PTPRM: variants seen among roughly 807,000 people sequenced by gnomAD.
PTPRM encodes the protein protein tyrosine phosphatase receptor type M, also known as receptor-type tyrosine-protein phosphatase mu.
In PTPRM, 47 loss-of-function variants were observed where a neutral mutation model predicts 186.7. The ratio of observed to expected loss-of-function variants is 0.25; its 90% CI spans 0.20 to 0.32. The LOEUF (loss-of-function observed/expected upper bound fraction) is 0.32. Ranked by LOEUF, PTPRM falls within the 10% of genes least tolerant of loss-of-function variation. The probability of loss-of-function intolerance (pLI) is 1.00; values close to 1 mark genes in which losing one functional copy is unlikely to be tolerated. For synonymous variants in PTPRM, 668 were observed against 674.9 expected (o/e 0.99, Z 0.16); for missense variants, 1,494 against 1,865.0 (o/e 0.80, Z 3.66).
At chr18:8,273,400 T>A (rs2094795778) in intron 19 of PTPRM, among the ~76,000 whole-genome samples, 1 of 152,196 alleles carries the variant, frequency 6.6e-6, no homozygotes, top group Non-Finnish European at 1.5e-5. Context: ...TCATTTTCCC[T>A]CTATGAATTG....
intron 2 of PTPRM, among the ~76,000 whole-genome samples, chr18:7,855,235 G>A (rs956113552): frequency 1.3e-5 from 2 of 152,128 alleles, no homozygotes; most frequent in African/African-American, 4.8e-5. Flanking sequence ...TTAAAGCTGG[G>A]TGTGACTGAG....
At chr18:7,790,865 G>A (rs1379139888) in intron 2 of PTPRM, among the ~76,000 whole-genome samples, 4 of 151,952 alleles carry the variant, frequency 2.6e-5, no homozygotes, top group Admixed American at 6.6e-5. Flanking sequence ...GTAGCTCATG[G>A]GAGTGGTTGC....
intron 5 of PTPRM, among the ~76,000 whole-genome samples, chr18:7,928,729 C>G (rs998683174): frequency 6.6e-6 from 1 of 152,118 alleles, no homozygotes; most frequent in Non-Finnish European, 1.5e-5. Flanking sequence ...TAAGCTCTCG[C>G]CTTAACAGAG....
intron 2 of PTPRM, among the ~76,000 whole-genome samples, chr18:7,800,317 A>C (rs556914096): frequency 6.6e-6 from 1 of 152,324 alleles, no homozygotes; most frequent in South Asian, 2.1e-4. Context: ...GAAATGACTG[A>C]AAATATGTTT....
chr18:8,189,404 A>T (rs1037246675), intron 14 of PTPRM, among the ~76,000 whole-genome samples: 1 of 152,096 alleles, frequency 6.6e-6, no homozygotes. Context: ...GGGGAAGGGC[A>T]TACTGATGTC....
At chr18:8,393,520 G>T (rs1425406402) in intron 31 of PTPRM, among the ~76,000 whole-genome samples, 1 of 152,202 alleles carries the variant, frequency 6.6e-6, no homozygotes, top group African/African-American at 2.4e-5. Context: ...CTGGATCCTG[G>T]ACCAGAAAAA....
chr18:8,080,505 A>G (rs2090070097), intron 9 of PTPRM, among the ~76,000 whole-genome samples: 1 of 152,204 alleles, frequency 6.6e-6, no homozygotes, highest in Non-Finnish European at 1.5e-5. Context: ...GACTCAATAC[A>G]TGAGTGTGTG....
At chr18:8,132,634 T>G (rs2092539607) in intron 13 of PTPRM, among the ~76,000 whole-genome samples, 1 of 152,152 alleles carries the variant, frequency 6.6e-6, no homozygotes, top group Non-Finnish European at 1.5e-5. Context: ...TAAAACAAAC[T>G]CCATATACAA....
intron 7 of PTPRM, among the ~76,000 whole-genome samples, chr18:7,962,525 C>G (rs1014592475): frequency 6.6e-6 from 1 of 152,092 alleles, no homozygotes; most frequent in African/African-American, 2.4e-5. Flanking sequence ...AATATTAATT[C>G]GCTGTGTTTG....
intron 7 of PTPRM, among the ~76,000 whole-genome samples, chr18:7,989,119 T>C (rs981174654): frequency 1.3e-5 from 2 of 152,218 alleles, no homozygotes; most frequent in Non-Finnish European, 2.9e-5. Flanking sequence ...CTATATTTGT[T>C]TTTGTGGCTA....
chr18:7,621,083 G>C (rs1273418051), intron 1 of PTPRM, among the ~76,000 whole-genome samples: 3 of 152,130 alleles, frequency 2.0e-5, no homozygotes, highest in Non-Finnish European at 4.4e-5. Flanking sequence ...CTTACGCAGT[G>C]CTTATTGTAT....
At chr18:8,101,757 G>A (rs949182040) in intron 11 of PTPRM, among the ~76,000 whole-genome samples, 14 of 152,120 alleles carry the variant, frequency 9.2e-5, no homozygotes, top group African/African-American at 3.4e-4. Context: ...CACAGGGCAC[G>A]TGAGCTGTCA....
chr18:8,183,378 A>G (rs879897689), intron 14 of PTPRM, among the ~76,000 whole-genome samples: 18 of 152,200 alleles, frequency 1.2e-4, no homozygotes, highest in African/African-American at 2.4e-4. Context: ...AATATAATCA[A>G]TCGGGAGAGA....
intron 5 of PTPRM, among the ~76,000 whole-genome samples, chr18:7,941,578 T>C (rs1408004853): frequency 6.6e-6 from 1 of 152,262 alleles, no homozygotes; most frequent in Non-Finnish European, 1.5e-5. Flanking sequence ...TATGTGCTCA[T>C]ATATTGTCAC....
At chr18:7,768,921 C>T (rs901397890) in intron 1 of PTPRM, among the ~76,000 whole-genome samples, 1 of 152,094 alleles carries the variant, frequency 6.6e-6, no homozygotes, top group Admixed American at 6.6e-5. Context: ...GCTGGGATTA[C>T]AGGTGTGAGC....
At chr18:8,048,560 T>C (rs1263006167) in intron 7 of PTPRM, among the ~76,000 whole-genome samples, 1 of 151,472 alleles carries the variant, frequency 6.6e-6, no homozygotes, top group Non-Finnish European at 1.5e-5. Context: ...AATCATAGGC[T>C]CTTTTAAATT....
At chr18:8,233,058 ACCT>A (rs1601375839) in intron 14 of PTPRM, among the ~76,000 whole-genome samples, 1 of 152,138 alleles carries the variant, frequency 6.6e-6, no homozygotes, top group East Asian at 1.9e-4. Flanking sequence ...TCCTCAGCAA[ACCT>A]TTTGGCGACA....
At chr18:7,769,807 C>A (rs1285892658) in intron 1 of PTPRM, among the ~76,000 whole-genome samples, 1 of 152,048 alleles carries the variant, frequency 6.6e-6, no homozygotes, top group Non-Finnish European at 1.5e-5. Flanking sequence ...TTATCTAGAA[C>A]CTGTGTGTTG....
intron 1 of PTPRM, among the ~76,000 whole-genome samples, chr18:7,688,537 G>T (rs1425595687): frequency 6.6e-6 from 1 of 152,192 alleles, no homozygotes; most frequent in Non-Finnish European, 1.5e-5. Flanking sequence ...CAGGTTAGGT[G>T]TTGGGTAAAA....
Sources: allele counts gnomAD v4.1 joint callset (sites outside exome capture counted in the v4.1 genomes callset), GRCh38; gene constraint gnomAD v4.1.1; transcripts MANE v1.5; gene names NCBI Gene and HGNC (gene_info 2026-07-23, HGNC 2026-07-21).